Variants in ZNF664 observed in about 807,000 individuals in gnomAD.
ZNF664 encodes the protein zinc finger Organ of Corti 1.
Under a neutral mutation model 18.2 loss-of-function variants are expected in ZNF664, and 10 were observed. The ratio of observed to expected loss-of-function variants is 0.55; its 90% CI spans 0.34 to 0.93. The LOEUF is 0.93. ZNF664 is among the 40% of genes least tolerant of loss of function. The probability of loss-of-function intolerance (pLI) is 0.02; values close to 1 mark genes in which losing one functional copy is unlikely to be tolerated. For missense variants in ZNF664, 193 were observed against 319.0 expected (o/e 0.61, Z 3.01); for synonymous variants, 119 against 104.2 (o/e 1.14, Z -0.86).
At chr12:123,984,731 TGGG>T in intron 2 of ZNF664, among the ~76,000 whole-genome samples, 1 of 152,152 alleles carries the variant, frequency 6.6e-6, no homozygotes, top group South Asian at 2.1e-4. Context: ...CAGTTTATCG[TGGG>T]ATGATGGGGA....
intron 3 of ZNF664, chr12:123,998,540 C>T (rs571643880): frequency 6.6e-6 from 1 of 152,566 alleles, no homozygotes; most frequent in Admixed American, 6.5e-5. Flanking sequence ...GCTGTGCCTC[C>T]TGTTCTTTAT....
chr12:123,988,679 G>T (rs1956852678), intron 3 of ZNF664, among the ~76,000 whole-genome samples: 1 of 151,894 alleles, frequency 6.6e-6, no homozygotes, highest in African/African-American at 2.4e-5. Context: ...ACATTGATCT[G>T]TGCAGACTTG....
chr12:123,987,080 A>C (rs375722957), intron 2 of ZNF664, among the ~76,000 whole-genome samples: 2 of 152,224 alleles, frequency 1.3e-5, no homozygotes, highest in African/African-American at 2.4e-5. Flanking sequence ...GCTGAAAATG[A>C]TATAGCAACT....
At chr12:123,981,434 AAAAAG>A (rs1270805144) in intron 2 of ZNF664, among the ~76,000 whole-genome samples, 2 of 152,100 alleles carry the variant, frequency 1.3e-5, no homozygotes, top group African/African-American at 4.8e-5. Context: ...GGGGCTTTAT[AAAAAG>A]AAAAGAGATC....
chr12:123,988,885 A>C (rs560850480), intron 3 of ZNF664, among the ~76,000 whole-genome samples: 1 of 152,156 alleles, frequency 6.6e-6, no homozygotes, highest in Non-Finnish European at 1.5e-5. Flanking sequence ...TACAGTCTAG[A>C]TCTCTGTGAT....
intron 2 of ZNF664, among the ~76,000 whole-genome samples, chr12:123,982,766 G>T (rs1956781142): frequency 6.6e-6 from 1 of 152,214 alleles, no homozygotes; most frequent in South Asian, 2.1e-4. Context: ...TTTCAAGAAT[G>T]GACAGGAGCA....
chr12:123,999,616 A>T (rs1190883747), intron 3 of ZNF664, among the ~76,000 whole-genome samples: 1 of 152,256 alleles, frequency 6.6e-6, no homozygotes, highest in Admixed American at 6.5e-5. Flanking sequence ...CGAATTTCAG[A>T]TAATGTATTC....
intron 2 of ZNF664, among the ~76,000 whole-genome samples, chr12:123,980,090 G>A (rs937520396): frequency 6.6e-6 from 1 of 152,056 alleles, no homozygotes; most frequent in Non-Finnish European, 1.5e-5. Flanking sequence ...CTCATTTTTT[G>A]TAAGATACAA....
chr12:123,981,223 T>C (rs993479689), intron 2 of ZNF664, among the ~76,000 whole-genome samples: 10 of 152,140 alleles, frequency 6.6e-5, no homozygotes, highest in Admixed American at 2.6e-4. Flanking sequence ...GTCAATGATA[T>C]TGACTTGGGC....
intron 2 of ZNF664, among the ~76,000 whole-genome samples, chr12:123,985,829 A>G (rs1387243300): frequency 6.6e-6 from 1 of 152,236 alleles, no homozygotes; most frequent in Non-Finnish European, 1.5e-5. Flanking sequence ...GGCCTTTACT[A>G]TGTCATATCA....
rs565932470 is a variant in ZNF664 at position 124,008,719 on chromosome 12, T to G, written c.-660-2662T>G. Among the ~76,000 whole-genome samples the G allele has an allele frequency of 1.7e-3, 266 of 152,334 alleles. 3 individuals carry two copies. The South Asian group carries it at 0.028, about 16-fold the overall frequency. ...TTTCTTCCCCATTCTCTACAGTCAT[T>G]ATGAGCTCCTGGGGTTTGTATATTG... On this transcript the variant is annotated intron_variant, in intron 3 of 4. Transcript: ENST00000337815.
At chr12:123,999,478 T>TA (rs1267643395) in intron 3 of ZNF664, among the ~76,000 whole-genome samples, 6 of 152,216 alleles carry the variant, frequency 3.9e-5, no homozygotes, top group African/African-American at 1.2e-4. Context: ...CTGTGATACT[T>TA]ACAGGTTTCT....
chr12:123,983,211 G>A (rs995890824), intron 2 of ZNF664, among the ~76,000 whole-genome samples: 2 of 152,188 alleles, frequency 1.3e-5, no homozygotes, highest in Admixed American at 1.3e-4. Flanking sequence ...GAGTCACAAG[G>A]TGGAACCAAT....
At position 124,012,035 on chromosome 12, in the gene ZNF664, A is replaced by C. The variant is rs578240940; in HGVS notation, c.-110A>C. 1.0e-4 allele frequency: 147 copies of C among 1,464,896 alleles called. 2 individuals carry two copies. The South Asian group carries it at 2.0e-3, about 20-fold the overall frequency. 90.7% of individuals were successfully genotyped at this position (1,464,896 alleles called of 1,614,324 possible). A position where few individuals can be genotyped will look rare whatever the true frequency, so the allele number is the denominator to read the frequency against. ...AAACTTACCTAATAGAGCAAGCCTG[A>C]GATAGACTGCCAAAATGGCCAAATA... On this transcript the variant is annotated 5_prime_UTR_variant, in exon 5 of 5. Transcript: ENST00000337815.
At chr12:124,011,489 A>T (rs867034155) in intron 4 of ZNF664, 48 bp downstream of exon 4, 1 of 809,178 alleles carries the variant, frequency 1.2e-6, no homozygotes, top group African/African-American at 1.9e-5. Context: ...TTTGGAATCA[A>T]TAGCAGTTTT....
In ZNF664 at chr12:124,012,025, A is replaced by C; in HGVS notation, c.-120A>C. 1 of 1,455,118 alleles carries C rather than the reference A, an allele frequency of 6.9e-7. No homozygotes were observed. The allele number at this position is 1,455,118 out of a possible 1,614,324, so 90.1% of individuals were successfully genotyped here. ...GGCTGACCTTAAACTTACCTAATAGAGCAAGCCTGAGATAGACTGCCAAAA... is the reference window on the plus strand; with the variant it reads ...GGCTGACCTTAAACTTACCTAATAGCGCAAGCCTGAGATAGACTGCCAAAA... On this transcript the variant is annotated 5_prime_UTR_variant, in exon 5 of 5. Transcript: ENST00000337815.
At chr12:123,974,311 CTG>C in intron 2 of ZNF664, 1 of 333,722 alleles carries the variant, frequency 3.0e-6, no homozygotes, top group Non-Finnish European at 5.4e-6. Flanking sequence ...TGCTTACGGG[CTG>C]TCTTATTGCA....
Position 123,973,264 on chromosome 12 carries a change from C to T in ZNF664, c.-980C>T, listed in dbSNP as rs1201012707. The stretch of plus-strand genomic sequence containing the variant: ...GTGTGCGGAGCGCGCGCGCGCGCGG[C>T]TCGGAGGCGCACCTGTGAGGTGTCC... On this transcript the variant is annotated 5_prime_UTR_variant, in exon 1 of 5. Coordinates refer to ENST00000337815, the MANE Select transcript of ZNF664 (RefSeq NM_152437.3). 5 of 1,001,264 alleles carry T rather than the reference C, an allele frequency of 5.0e-6. No individual in the cohort carries two copies. Among genetic ancestry groups the T allele is most frequent in the Non-Finnish European group, 4.7e-6 (4 of 843,464 alleles). The allele number at this position is 1,001,264 out of a possible 1,614,324, so 62.0% of individuals were successfully genotyped here.
At chr12:123,976,442 G>A (rs1481863235) in intron 2 of ZNF664, among the ~76,000 whole-genome samples, 1 of 152,304 alleles carries the variant, frequency 6.6e-6, no homozygotes, top group East Asian at 1.9e-4. Flanking sequence ...GAATGAATGT[G>A]GATAGACTAT....
Sources: allele counts gnomAD v4.1 joint callset (sites outside exome capture counted in the v4.1 genomes callset), GRCh38; gene constraint gnomAD v4.1.1; transcripts MANE v1.5; gene names NCBI Gene and HGNC (gene_info 2026-07-23, HGNC 2026-07-21).